Variants in CHCHD6 observed in about 807,000 individuals in gnomAD.
The protein encoded by CHCHD6 is MICOS complex subunit MIC25.
CHCHD6 carries 28 observed loss-of-function variants against 32.3 expected under a neutral mutation model. The observed-to-expected ratio is 0.87, with a 90% CI of 0.64 to 1.19. The LOEUF (loss-of-function observed/expected upper bound fraction) is 1.19, where lower values mean the gene tolerates loss of function less well. CHCHD6 is among the 50% of genes most tolerant of loss of function. The probability of loss-of-function intolerance (pLI) is 0.00; values close to 1 mark genes in which losing one functional copy is unlikely to be tolerated. For synonymous variants in CHCHD6, 122 were observed against 117.5 expected (o/e 1.04, Z -0.25); for missense variants, 333 against 307.0 (o/e 1.08, Z -0.63).
intron 5 of CHCHD6, among the ~76,000 whole-genome samples, chr3:126,912,371 C>G (rs577784520): frequency 2.0e-5 from 3 of 152,098 alleles, no homozygotes; most frequent in Middle Eastern, 3.4e-3. Context: ...CTGGACTGGT[C>G]GAGGCAAAGA....
Position 126,769,628 on chromosome 3 carries a change from G to A in CHCHD6, c.411+36406G>A, listed in dbSNP as rs966497196. Among the ~76,000 whole-genome samples, 9 of 152,066 alleles carry A rather than the reference G, an allele frequency of 5.9e-5. No individual in the cohort carries two copies. In the South Asian group the frequency reaches 1.0e-3, roughly 18 times the overall value. ...AATGATTCTCCTGCCTCAGTCTCCCGAGTAGCTGGGATTACAGACCTGTGC... is the reference window on the plus strand; with the variant it reads ...AATGATTCTCCTGCCTCAGTCTCCCAAGTAGCTGGGATTACAGACCTGTGC... On this transcript the variant is annotated intron_variant, in intron 4 of 7. Transcript: ENST00000290913.
chr3:126,938,201 G>C (rs1322623231), intron 6 of CHCHD6, among the ~76,000 whole-genome samples: 2 of 152,190 alleles, frequency 1.3e-5, no homozygotes, highest in East Asian at 3.9e-4. Flanking sequence ...GTTGGCCTGG[G>C]GACAAGGAGA....
intron 6 of CHCHD6, chr3:126,949,799 T>C (rs2078692093): frequency 6.1e-6 from 1 of 163,302 alleles, no homozygotes; most frequent in Non-Finnish European, 1.3e-5. Flanking sequence ...CACACAGAAT[T>C]ATCATGGATG....
At chr3:126,752,565 G>A (rs1270862502) in intron 4 of CHCHD6, among the ~76,000 whole-genome samples, 3 of 152,202 alleles carry the variant, frequency 2.0e-5, no homozygotes, top group Non-Finnish European at 4.4e-5. Context: ...AGGCTGAAAG[G>A]CCCTCTACCC....
intron 6 of CHCHD6, chr3:126,935,081 TGCCATTC>T: frequency 1.0e-6 from 1 of 974,428 alleles, no homozygotes; most frequent in Non-Finnish European, 1.2e-6. Flanking sequence ...ATATCTATCT[TGCCATTC>T]GTTCCAGGGT....
chr3:126,768,438 A>G lies in CHCHD6; in HGVS notation c.411+35216A>G, dbSNP rs140977904. Among the ~76,000 whole-genome samples the G allele has an allele frequency of 1.7e-3, 264 of 152,300 alleles. 1 individual carries two copies. The highest frequency in any genetic ancestry group is 6.1e-3 in the African/African-American group (253 of 41,564). Reference sequence around the variant, plus strand: ...TCTTGTGTACCTTTTCATCCTGTGCAGCAGAACTGCGAGCCAGTTAAACCA... The same window carrying G: ...TCTTGTGTACCTTTTCATCCTGTGCGGCAGAACTGCGAGCCAGTTAAACCA... On this transcript the variant is annotated intron_variant, in intron 4 of 7. Transcript: ENST00000290913.
chr3:126,757,460 T>A (rs1446452742), intron 4 of CHCHD6, among the ~76,000 whole-genome samples: 1 of 152,104 alleles, frequency 6.6e-6, no homozygotes, highest in Admixed American at 6.5e-5. Context: ...AAGACAACTT[T>A]GAAAGTAAAG....
intron 4 of CHCHD6, among the ~76,000 whole-genome samples, chr3:126,755,463 G>C (rs930453121): frequency 5.9e-5 from 9 of 152,174 alleles, no homozygotes; most frequent in African/African-American, 2.2e-4. Flanking sequence ...CAGCACAGCA[G>C]GTATGAGGAA....
intron 6 of CHCHD6, among the ~76,000 whole-genome samples, chr3:126,927,246 T>C (rs2078336858): frequency 6.6e-6 from 1 of 152,150 alleles, no homozygotes; most frequent in Non-Finnish European, 1.5e-5. Context: ...GACCAAGGCA[T>C]GGGGCATGCG....
chr3:126,727,223 G>A, intron 2 of CHCHD6, 37 bp downstream of exon 2: 1 of 1,466,564 alleles, frequency 6.8e-7, no homozygotes. Context: ...AGTGTGGAGA[G>A]ACAGTGAAAG....
intron 4 of CHCHD6, among the ~76,000 whole-genome samples, chr3:126,764,226 A>ATATAT (rs1937274487): frequency 1.5e-4 from 17 of 116,972 alleles, no homozygotes; most frequent in African/African-American, 4.3e-4. Flanking sequence ...TATATATATA[A>ATATAT]ATATATGAAA....
At chr3:126,923,390 A>G (rs559653034) in intron 6 of CHCHD6, among the ~76,000 whole-genome samples, 1 of 152,332 alleles carries the variant, frequency 6.6e-6, no homozygotes, top group South Asian at 2.1e-4. Flanking sequence ...AATATCTTAT[A>G]TATCTCCGTA....
At chr3:126,813,548 A>C (rs1939750436) in intron 4 of CHCHD6, among the ~76,000 whole-genome samples, 1 of 152,226 alleles carries the variant, frequency 6.6e-6, no homozygotes, top group Non-Finnish European at 1.5e-5. Flanking sequence ...TTTCACCCAC[A>C]TGAGCTCCTT....
intron 4 of CHCHD6, among the ~76,000 whole-genome samples, chr3:126,825,568 T>C (rs745965857): frequency 6.6e-6 from 1 of 152,220 alleles, no homozygotes; most frequent in Middle Eastern, 3.2e-3. Context: ...ATAATAAATA[T>C]GCAAATAATT....
chr3:126,863,984 C>A (rs1942116025), intron 5 of CHCHD6, among the ~76,000 whole-genome samples: 1 of 149,694 alleles, frequency 6.7e-6, no homozygotes. Context: ...TCCTCCTCCT[C>A]CACCATCACT....
chr3:126,801,163 A>G (rs1027126902), intron 4 of CHCHD6, among the ~76,000 whole-genome samples: 2 of 152,216 alleles, frequency 1.3e-5, no homozygotes, highest in African/African-American at 2.4e-5. Flanking sequence ...CTGCATTTCC[A>G]TCTGAGGTAC....
intron 4 of CHCHD6, among the ~76,000 whole-genome samples, chr3:126,753,381 G>A (rs947045061): frequency 3.3e-5 from 5 of 152,200 alleles, no homozygotes; most frequent in African/African-American, 1.2e-4. Context: ...TGGAGGCTGA[G>A]GAGGAGGGGC....
chr3:126,881,037 G>A (rs894222384), intron 5 of CHCHD6, among the ~76,000 whole-genome samples: 1 of 152,204 alleles, frequency 6.6e-6, no homozygotes, highest in Non-Finnish European at 1.5e-5. Flanking sequence ...GATTCTAAAT[G>A]GGCAGAGCAC....
At chr3:126,749,225 T>C (rs1465200306) in intron 4 of CHCHD6, among the ~76,000 whole-genome samples, 2 of 152,076 alleles carry the variant, frequency 1.3e-5, no homozygotes, top group Non-Finnish European at 2.9e-5. Context: ...AAGGTTTTCA[T>C]AGAGATTCTG....
Sources: allele counts gnomAD v4.1 joint callset (sites outside exome capture counted in the v4.1 genomes callset), GRCh38; gene constraint gnomAD v4.1.1; transcripts MANE v1.5; gene names NCBI Gene and HGNC (gene_info 2026-07-23, HGNC 2026-07-21).